The following CRTAC1 variants were observed in gnomAD, a reference collection of about 807,000 sequenced individuals.
The protein encoded by CRTAC1 is acidic secreted protein in cartilage.
A neutral mutation model predicts 67.8 loss-of-function variants in CRTAC1; 37 were observed. The observed-to-expected ratio is 0.55, with a 90% CI of 0.42 to 0.72. The LOEUF (loss-of-function observed/expected upper bound fraction) is 0.72, where lower values mean the gene tolerates loss of function less well. CRTAC1 is among the 30% of genes least tolerant of loss of function. The pLI, the probability that CRTAC1 is intolerant of heterozygous loss-of-function variation, is 0.00. For missense variants in CRTAC1, 780 were observed against 931.6 expected, an observed-to-expected ratio of 0.84 and a Z score of 2.12; for synonymous variants, 348 against 371.0, an observed-to-expected ratio of 0.94 and a Z score of 0.71.
At chr10:97,954,744 T>C (rs1302018027) in intron 2 of CRTAC1, among the ~76,000 whole-genome samples, 1 of 152,188 alleles carries the variant, frequency 6.6e-6, no homozygotes, top group Admixed American at 6.5e-5. Flanking sequence ...CCTGTCACAG[T>C]TCTGGAGGCT....
chr10:97,950,226 T>A (rs2051329189), intron 2 of CRTAC1, among the ~76,000 whole-genome samples: 1 of 146,046 alleles, frequency 6.8e-6, no homozygotes. Flanking sequence ...TGGTTTTGCA[T>A]GTACGTGCAC....
chr10:97,925,467 G>A lies in CRTAC1; in HGVS notation c.422-2067C>T, dbSNP rs186201837. Among the ~76,000 whole-genome samples the A allele has an allele frequency of 1.8e-4, 28 of 151,934 alleles. 1 individual carries two copies. Among genetic ancestry groups the A allele is most frequent in the East Asian group, 9.7e-4 (5 of 5,158 alleles). On this transcript the variant is annotated intron_variant, in intron 3 of 14. Coordinates refer to ENST00000370597, the MANE Select transcript of CRTAC1 (RefSeq NM_018058.7). ...TCAGAGAATGAGAGTGGACAAGAACGAGTGAGTGTGAGAGAGTGGGCATGA... is the reference window on the plus strand; with the variant it reads ...TCAGAGAATGAGAGTGGACAAGAACAAGTGAGTGTGAGAGAGTGGGCATGA...
At chr10:98,002,832 G>A (rs564630988) in intron 2 of CRTAC1, among the ~76,000 whole-genome samples, 1 of 124,184 alleles carries the variant, frequency 8.1e-6, no homozygotes, top group African/African-American at 3.1e-5. Flanking sequence ...AGGCTGGAGT[G>A]CAGAGGTGCA....
At chr10:97,879,638 C>T (rs1206243464) in intron 14 of CRTAC1, 3 of 1,532,622 alleles carry the variant, frequency 2.0e-6, no homozygotes, top group Non-Finnish European at 2.6e-6. Context: ...TAGTTTTCCA[C>T]AAAGGCTGTT....
At chr10:97,956,163 A>G (rs2051437743) in intron 2 of CRTAC1, among the ~76,000 whole-genome samples, 1 of 152,206 alleles carries the variant, frequency 6.6e-6, no homozygotes, top group Non-Finnish European at 1.5e-5. Flanking sequence ...CATATTCCAA[A>G]ACAGCTGCTT....
At chr10:97,931,053 C>G (rs1300821878) in intron 3 of CRTAC1, among the ~76,000 whole-genome samples, 1 of 152,142 alleles carries the variant, frequency 6.6e-6, no homozygotes, top group Non-Finnish European at 1.5e-5. Context: ...CAAAAATAGG[C>G]AGAGGCTATG....
chr10:97,884,377 A>C, intron 11 of CRTAC1, 26 bp from the exon 12 acceptor site: 1 of 1,548,778 alleles, frequency 6.5e-7, no homozygotes, highest in Non-Finnish European at 8.7e-7. Flanking sequence ...AGAGAGCATC[A>C]GCAGCAGAGG....
intron 2 of CRTAC1, among the ~76,000 whole-genome samples, chr10:97,976,369 G>A (rs1483838716): frequency 6.6e-6 from 1 of 152,188 alleles, no homozygotes; most frequent in Non-Finnish European, 1.5e-5. Flanking sequence ...GCTCCCCATA[G>A]GGTAGTATTT....
chr10:97,990,664 T>C (rs1427825197), intron 2 of CRTAC1, among the ~76,000 whole-genome samples: 1 of 152,240 alleles, frequency 6.6e-6, no homozygotes, highest in Non-Finnish European at 1.5e-5. Flanking sequence ...ATCAGGCACA[T>C]TGACTCTCTT....
intron 2 of CRTAC1, among the ~76,000 whole-genome samples, chr10:97,954,713 T>A (rs1304837324): frequency 1.3e-5 from 2 of 152,218 alleles, no homozygotes. Flanking sequence ...CTGCAAATTC[T>A]GGCTCAACAC....
At chr10:97,968,088 A>T (rs561217932) in intron 2 of CRTAC1, among the ~76,000 whole-genome samples, 1 of 152,338 alleles carries the variant, frequency 6.6e-6, no homozygotes, top group South Asian at 2.1e-4. Context: ...ATGAAGCTCA[A>T]AAAGGTTTTA....
chr10:97,919,729 G>A (rs895834802), intron 4 of CRTAC1, among the ~76,000 whole-genome samples: 1 of 148,558 alleles, frequency 6.7e-6, no homozygotes, highest in African/African-American at 2.5e-5. Context: ...TGTGATTCCT[G>A]TGCAAAATTG....
intron 2 of CRTAC1, among the ~76,000 whole-genome samples, chr10:97,986,034 G>A (rs2051976982): frequency 6.6e-6 from 1 of 152,190 alleles, no homozygotes; most frequent in Non-Finnish European, 1.5e-5. Context: ...TGCTGTTTAT[G>A]TAGGTTCTGA....
rs554342483 is a variant in CRTAC1 at position 97,937,686 on chromosome 10, G to A, written c.225-1320C>T. Among the ~76,000 whole-genome samples, 20 of 152,276 alleles carry A rather than the reference G, an allele frequency of 1.3e-4. 1 individual carries two copies. The South Asian group carries it at 3.5e-3, about 27-fold the overall frequency. On this transcript the variant is annotated intron_variant, in intron 2 of 14. Coordinates refer to ENST00000370597, the MANE Select transcript of CRTAC1 (RefSeq NM_018058.7). The stretch of plus-strand genomic sequence containing the variant: ...TTTCTTCACATCACCCTCCCATATG[G>A]AGAAAACAAGGGCCCTGCAGGAAGT...
At position 97,895,963 on chromosome 10, in the gene CRTAC1, G is replaced by C; in HGVS notation, c.1239C>G (p.Asp413Glu). Residue 413 changes from aspartate (D) to glutamate (E), a missense_variant, in exon 10 of 15, where the codon GAC becomes GAG. Transcript: ENST00000370597. This position sits in a 1 kb window ranked among gnomAD's most constrained non-coding sequence, Gnocchi z 4.2. Reference sequence around the variant, plus strand: ...AGATGAGGTCCAGCATCCCGTCTCCGTCGAAGTCGGTCACCACACCCCCTA... The same window carrying C: ...AGATGAGGTCCAGCATCCCGTCTCCCTCGAAGTCGGTCACCACACCCCCTA... ...RGTGGVVTDF[D>E]GDGMLDLILS... The C allele has an allele frequency of 6.2e-7, 1 of 1,614,084 alleles. No homozygotes were observed.
chr10:97,908,716 A>C (rs939718291), intron 5 of CRTAC1, among the ~76,000 whole-genome samples: 7 of 152,234 alleles, frequency 4.6e-5, no homozygotes, highest in African/African-American at 1.7e-4. Flanking sequence ...ATGACAAACC[A>C]TTCTGCAGTA....
At position 97,895,774 on chromosome 10, in the gene CRTAC1, C is replaced by G. The variant is rs2050448579; in HGVS notation, c.1317+111G>C. On this transcript the variant is annotated intron_variant, in intron 10 of 14. Coordinates refer to ENST00000370597, the MANE Select transcript of CRTAC1 (RefSeq NM_018058.7). The surrounding 1 kb of genome is among the most constrained non-coding windows in gnomAD (Gnocchi z 4.2). ...TCCCTCCTCCAGGGCCCGGGACTTC[C>G]ATTACCCACCATGCTGGCCAAGCCA... 1.4e-5 allele frequency: 12 copies of G among 860,992 alleles called. No homozygotes were observed. The highest frequency in any genetic ancestry group is 2.2e-5 in the Non-Finnish European group (12 of 554,368). 53.3% of individuals were successfully genotyped at this position (860,992 alleles called of 1,614,324 possible).
chr10:97,962,575 C>T (rs1441339401), intron 2 of CRTAC1, among the ~76,000 whole-genome samples: 1 of 152,180 alleles, frequency 6.6e-6, no homozygotes, highest in African/African-American at 2.4e-5. Context: ...CAGAAACATT[C>T]CAATTTTCCA....
intron 3 of CRTAC1, among the ~76,000 whole-genome samples, chr10:97,930,794 G>A (rs2050992086): frequency 6.6e-6 from 1 of 151,968 alleles, no homozygotes; most frequent in Non-Finnish European, 1.5e-5. Flanking sequence ...TCCTCTATAA[G>A]AAGTTACAAG....
Sources: gnomAD v4.1 joint callset for allele counts (sites outside exome capture counted in the v4.1 genomes callset) on GRCh38, gnomAD v4.1.1 for gene constraint, Gnocchi (gnomAD v3.1) non-coding constraint, MANE v1.5 for transcripts, NCBI Gene and HGNC (gene_info 2026-07-23, HGNC 2026-07-21) for gene names.